Variants in DNAJC9 observed in about 807,000 individuals in gnomAD.
DNAJC9 encodes the protein DnaJ heat shock protein family (Hsp40) member C9.
A neutral mutation model predicts 32.4 loss-of-function variants in DNAJC9; 18 were observed. The ratio of observed to expected loss-of-function variants is 0.56; its 90% CI spans 0.38 to 0.82. The LOEUF (loss-of-function observed/expected upper bound fraction) is 0.82. DNAJC9 is among the 40% of genes least tolerant of loss of function. The pLI, the probability that DNAJC9 is intolerant of heterozygous loss-of-function variation, is 0.00. For synonymous variants in DNAJC9, 113 were observed against 122.1 expected, an observed-to-expected ratio of 0.93 and a Z score of 0.49; for missense variants, 310 against 321.8, an observed-to-expected ratio of 0.96 and a Z score of 0.28.
At chr10:73,245,178 A>G (rs1378416570) in intron 3 of DNAJC9, among the ~76,000 whole-genome samples, 1 of 152,160 alleles carries the variant, frequency 6.6e-6, no homozygotes, top group African/African-American at 2.4e-5. Context: ...AGGCCCTTCA[A>G]ATTTTCACCG....
downstream of DNAJC9, chr10:73,239,142 G>T: frequency 1.8e-6 from 1 of 549,718 alleles, no homozygotes. Context: ...CATCTGGCTT[G>T]GGATTTTCTA....
intron 3 of DNAJC9, among the ~76,000 whole-genome samples, chr10:73,244,966 T>C (rs1225939008): frequency 6.6e-6 from 1 of 152,204 alleles, no homozygotes; most frequent in Non-Finnish European, 1.5e-5. Flanking sequence ...TCTCCTCAAA[T>C]TCTAGGGAAG....
chr10:73,246,927 C>A, intron 1 of DNAJC9, 83 bp downstream of exon 1: 1 of 1,586,436 alleles, frequency 6.3e-7, no homozygotes, highest in Non-Finnish European at 8.6e-7. Context: ...GCTCAGCGCG[C>A]TCCCCCGGGG....
downstream of DNAJC9, chr10:73,233,999 T>C (rs1435774849): frequency 6.6e-6 from 1 of 152,196 alleles, no homozygotes; most frequent in East Asian, 1.9e-4. Flanking sequence ...CCACCCTTCA[T>C]TCACTACACA....
rs777144085 is a variant in DNAJC9 at position 73,246,191 on chromosome 10, G to A, written c.322-15C>T. The A allele has an allele frequency of 1.7e-5, 27 of 1,588,944 alleles. No homozygotes were observed. The highest frequency in any genetic ancestry group is 2.3e-5 in the Non-Finnish European group (27 of 1,174,228). On this transcript the variant is annotated splice_polypyrimidine_tract_variant and intron_variant, in intron 2 of 4. Coordinates refer to ENST00000372950, the MANE Select transcript of DNAJC9 (RefSeq NM_015190.5). ...TCTAAAGATATCTGATGATAAAGGA[G>A]ATTTGCTTTAACTTTGGGAATTTTA...
In DNAJC9 at chr10:73,243,230, T is replaced by C. The variant is rs979950599; in HGVS notation, c.*170A>G. 5.2e-5 allele frequency: 35 copies of C among 676,208 alleles called. No homozygotes were observed. The highest frequency in any genetic ancestry group is 7.4e-5 in the Non-Finnish European group (30 of 404,272). The allele number at this position is 676,208 out of a possible 1,614,324, so 41.9% of individuals were successfully genotyped here. A position where few individuals can be genotyped will look rare whatever the true frequency, so the allele number is the denominator to read the frequency against. ...ACAATGTCAAGTGCTTTCTAGGAAATACTAAGATCAGGTTGAGAGATTCTG... is the reference window on the plus strand; with the variant it reads ...ACAATGTCAAGTGCTTTCTAGGAAACACTAAGATCAGGTTGAGAGATTCTG... On this transcript the variant is annotated 3_prime_UTR_variant, in exon 5 of 5. Coordinates refer to ENST00000372950, the MANE Select transcript of DNAJC9 (RefSeq NM_015190.5).
rs541844405 is a variant in DNAJC9 at position 73,243,664 on chromosome 10, T to G, written c.664-145A>C. On this transcript the variant is annotated intron_variant, in intron 4 of 4. Coordinates refer to ENST00000372950, the MANE Select transcript of DNAJC9 (RefSeq NM_015190.5). ...TGGTGAAAATGTCCTACAATTGGTG[T>G]TAATAATTGTAAAACTTTGTAAATA... is the stretch of plus-strand genomic sequence containing the variant. The G allele has an allele frequency of 8.4e-6, 10 of 1,191,278 alleles. No homozygotes were observed. In the East Asian group the frequency reaches 1.2e-4, roughly 14 times the overall value. The allele number at this position is 1,191,278 out of a possible 1,614,324, so 73.8% of individuals were successfully genotyped here. A position where few individuals can be genotyped will look rare whatever the true frequency, so the allele number is the denominator to read the frequency against.
intron 3 of DNAJC9, chr10:73,244,504 G>GAAAAAAAAAAAA (rs796100576): frequency 1.4e-5 from 1 of 69,802 alleles, no homozygotes. Context: ...AGAAAAAAGA[G>GAAAAAAAAAAAA]AAAAAAAAAA....
chr10:73,246,109 A>G lies in DNAJC9; in HGVS notation c.389T>C (p.Ile130Thr), dbSNP rs372435613. The G allele has an allele frequency of 1.6e-5, 26 of 1,613,920 alleles. No individual in the cohort carries two copies. In the African/African-American group the frequency reaches 1.9e-4, roughly 12 times the overall value. Residue 130 changes from isoleucine to threonine, a missense_variant, in exon 3 of 5, where the codon ATT becomes ACT. Coordinates refer to ENST00000372950, the MANE Select transcript of DNAJC9 (RefSeq NM_015190.5). ...YKGSEEELAD[I>T]KQAYLDFKGD... ...CTTGAAGTCCAGATAGGCCTGCTTA[A>G]TATCAGCCAGCTCTTCTTCCGAACC... is the stretch of plus-strand genomic sequence containing the variant.
chr10:73,240,568 C>T (rs1430858463), downstream of DNAJC9, among the ~76,000 whole-genome samples: 2 of 151,856 alleles, frequency 1.3e-5, no homozygotes, highest in Non-Finnish European at 2.9e-5. Context: ...AAAAATTAGC[C>T]GGGTGTGGTG....
At chr10:73,239,065 G>C (rs970482725), downstream of DNAJC9, 1 of 404,728 alleles carries the variant, frequency 2.5e-6, no homozygotes, top group African/African-American at 2.0e-5. Flanking sequence ...TATAACTCCT[G>C]ATTTCCTTAA....
chr10:73,233,104 G>C, intron 2 of DNAJC9: 1 of 1,551,700 alleles, frequency 6.4e-7, no homozygotes, highest in Non-Finnish European at 8.7e-7. Flanking sequence ...CGATCAGCAC[G>C]AGCCATTCAT....
intron 3 of DNAJC9, chr10:73,244,151 A>G: frequency 1.8e-6 from 1 of 542,188 alleles, no homozygotes; most frequent in Non-Finnish European, 3.3e-6. Flanking sequence ...ACCCAATTCT[A>G]TTTGCTAGAG....
At chr10:73,239,021 GAACT>G (rs573244057), downstream of DNAJC9, 19 of 274,602 alleles carry the variant, frequency 6.9e-5, no homozygotes, top group Admixed American at 9.8e-5. Flanking sequence ...AACCCCCTTA[GAACT>G]AACTGAAATA....
downstream of DNAJC9, among the ~76,000 whole-genome samples, chr10:73,237,559 A>G (rs1031177751): frequency 1.3e-5 from 2 of 151,954 alleles, no homozygotes; most frequent in African/African-American, 4.8e-5. Flanking sequence ...AGCTGGGACT[A>G]CAGGCACCTG....
At chr10:73,236,267 G>A (rs999208996), downstream of DNAJC9, among the ~76,000 whole-genome samples, 6 of 152,280 alleles carry the variant, frequency 3.9e-5, no homozygotes, top group South Asian at 6.2e-4. Flanking sequence ...TTCCAGAGGC[G>A]AGAAGTTCAA....
At chr10:73,236,901 A>AT (rs1478221250), downstream of DNAJC9, among the ~76,000 whole-genome samples, 1 of 150,560 alleles carries the variant, frequency 6.6e-6, no homozygotes, top group Non-Finnish European at 1.5e-5. Flanking sequence ...TTTTGTAGAG[A>AT]TAGGGTGTCA....
intron 2 of DNAJC9, among the ~76,000 whole-genome samples, chr10:73,232,459 T>TTTAA (rs1286174088): frequency 6.6e-6 from 1 of 152,228 alleles, no homozygotes; most frequent in African/African-American, 2.4e-5. Flanking sequence ...TGCTCAGCAC[T>TTTAA]TTAATTGCTA....
At chr10:73,246,850 A>T (rs1238190336) in intron 1 of DNAJC9, 22 bp from the exon 2 acceptor site, 1 of 1,613,132 alleles carries the variant, frequency 6.2e-7, no homozygotes, top group Non-Finnish European at 8.5e-7. Context: ...GAGTATCCGT[A>T]AATCACCCCT....
Sources: allele counts gnomAD v4.1 joint callset (sites outside exome capture counted in the v4.1 genomes callset), GRCh38; gene constraint gnomAD v4.1.1; transcripts MANE v1.5; gene names NCBI Gene and HGNC (gene_info 2026-07-23, HGNC 2026-07-21).